SCN1A: variants seen among roughly 807,000 people sequenced by gnomAD.
SCN1A encodes sodium channel protein type 1 subunit alpha.
SCN1A carries 13 observed loss-of-function variants against 193.7 expected under a neutral mutation model. The observed-to-expected ratio is 0.07, with a 90% confidence interval of 0.04 to 0.11. The LOEUF (loss-of-function observed/expected upper bound fraction) is 0.11. SCN1A is among the 10% of genes least tolerant of loss of function. SCN1A has a pLI of 1.00. For synonymous variants in SCN1A, 781 were observed against 843.6 expected, an observed-to-expected ratio of 0.93 and a Z score of 1.29; for missense variants, 1,432 against 2,451.1, an observed-to-expected ratio of 0.58 and a Z score of 8.78.
intron 21 of SCN1A, among the ~76,000 whole-genome samples, chr2:166,012,612 CTTTTTT>C (rs60890420): frequency 1.7e-4 from 13 of 77,208 alleles, no homozygotes; most frequent in Admixed American, 4.7e-4. Flanking sequence ...CTTCTATTGG[CTTTTTT>C]TTTTTTTTTT....
Position 165,991,417 on chromosome 2 carries a change from A to AG in SCN1A, c.5857dup (p.Leu1953ProfsTer10), listed in dbSNP as rs1271362974. 1 of 1,613,694 alleles carries AG rather than the reference A, an allele frequency of 6.2e-7. No individual in the cohort carries two copies. Among genetic ancestry groups the AG allele is most frequent in the East Asian group, 2.2e-5 (1 of 44,850 alleles). ...AATTATCATGTCTTCTTTTATAAGA[A>AG]GATTAGCCCCACCTTTGATTTTGTT... On this transcript the variant is annotated frameshift_variant, in exon 29 of 29. Coordinates refer to ENST00000674923, the MANE Select transcript of SCN1A (RefSeq NM_001165963.4). LOFTEE classifies it high-confidence loss of function.
intron 4 of SCN1A, among the ~76,000 whole-genome samples, chr2:166,058,892 T>G (rs868464543): frequency 6.6e-6 from 1 of 152,076 alleles, no homozygotes; most frequent in Admixed American, 6.6e-5. Context: ...ACCACTTACC[T>G]TTTACCTAAT....
chr2:165,997,134 T>C (rs536032127), intron 26 of SCN1A, among the ~76,000 whole-genome samples: 1 of 151,206 alleles, frequency 6.6e-6, no homozygotes, highest in South Asian at 2.1e-4. Flanking sequence ...CAGGAAATAA[T>C]TAAAGCCTTA....
At chr2:166,109,789 C>T (rs927207515) in intron 2 of SCN1A, among the ~76,000 whole-genome samples, 17 of 152,112 alleles carry the variant, frequency 1.1e-4, no homozygotes, top group Non-Finnish European at 2.1e-4. Context: ...TCCCGTCTCT[C>T]TTCCTCTCCT....
intron 2 of SCN1A, 74 bp downstream of exon 2, chr2:166,126,850 C>A (rs1691303190): frequency 6.6e-6 from 1 of 152,166 alleles, no homozygotes; most frequent in Admixed American, 6.6e-5. Flanking sequence ...TAACAATCAC[C>A]AGTGAGTAAT....
At chr2:166,138,586 C>T (rs948613654) in intron 1 of SCN1A, among the ~76,000 whole-genome samples, 4 of 152,214 alleles carry the variant, frequency 2.6e-5, no homozygotes, top group African/African-American at 7.2e-5. Flanking sequence ...GAACCTCTGC[C>T]TAGATTTCAG....
chr2:166,136,843 G>A (rs1209269659), intron 1 of SCN1A, among the ~76,000 whole-genome samples: 1 of 152,160 alleles, frequency 6.6e-6, no homozygotes, highest in African/African-American at 2.4e-5. Flanking sequence ...TAACTAAAGA[G>A]GAATGCAGCT....
chr2:166,068,025 T>A (rs956401902), intron 4 of SCN1A, among the ~76,000 whole-genome samples: 8 of 152,192 alleles, frequency 5.3e-5, no homozygotes, highest in Non-Finnish European at 1.2e-4. Context: ...TACAAGGCTG[T>A]AGGATGTTAG....
chr2:166,144,409 G>C (rs1479030792), intron 1 of SCN1A, among the ~76,000 whole-genome samples: 2 of 152,124 alleles, frequency 1.3e-5, no homozygotes, highest in Non-Finnish European at 2.9e-5. Context: ...CCCTCTTAAG[G>C]GGGTAATAAT....
At chr2:166,089,202 C>A (rs1043719647) in intron 2 of SCN1A, among the ~76,000 whole-genome samples, 1 of 152,116 alleles carries the variant, frequency 6.6e-6, no homozygotes, top group East Asian at 1.9e-4. Context: ...GTGATATTCC[C>A]TTCCCTGTGT....
At chr2:166,069,926 A>G (rs1684242891) in intron 4 of SCN1A, among the ~76,000 whole-genome samples, 1 of 152,190 alleles carries the variant, frequency 6.6e-6, no homozygotes, top group African/African-American at 2.4e-5. Flanking sequence ...AGTACTGTGT[A>G]TGTGTACCGC....
chr2:166,017,264 G>C (rs548830058), intron 19 of SCN1A, among the ~76,000 whole-genome samples: 126 of 151,942 alleles, frequency 8.3e-4, no homozygotes, highest in South Asian at 4.6e-3. Context: ...GTAGTAAATA[G>C]ATCATAATCT....
At chr2:166,084,294 T>C (rs1685862965) in intron 2 of SCN1A, among the ~76,000 whole-genome samples, 1 of 149,572 alleles carries the variant, frequency 6.7e-6, no homozygotes. Flanking sequence ...CACTCTGGAC[T>C]GTGCCTCTCC....
intron 3 of SCN1A, among the ~76,000 whole-genome samples, chr2:166,076,317 G>A (rs1428022199): frequency 1.3e-5 from 2 of 151,418 alleles, no homozygotes; most frequent in Non-Finnish European, 3.0e-5. Flanking sequence ...GTATTTTGGT[G>A]GTTTAATGTT....
At chr2:166,055,876 C>A (rs1699079048) in intron 6 of SCN1A, among the ~76,000 whole-genome samples, 1 of 151,990 alleles carries the variant, frequency 6.6e-6, no homozygotes, top group Non-Finnish European at 1.5e-5. Context: ...TTAGTTTAGT[C>A]TTCAGTCTAC....
At chr2:166,116,330 C>T (rs1434968494) in intron 2 of SCN1A, among the ~76,000 whole-genome samples, 2 of 152,096 alleles carry the variant, frequency 1.3e-5, no homozygotes, top group African/African-American at 4.8e-5. Context: ...AGTATTAGAA[C>T]ATTTATATTT....
intron 5 of SCN1A, among the ~76,000 whole-genome samples, chr2:166,057,848 T>A (rs1699283786): frequency 6.6e-6 from 1 of 152,054 alleles, no homozygotes; most frequent in Admixed American, 6.6e-5. Context: ...CTAAATTGAT[T>A]AACAAATGAA....
intron 4 of SCN1A, among the ~76,000 whole-genome samples, chr2:166,069,994 T>A (rs1034364912): frequency 6.6e-6 from 1 of 152,138 alleles, no homozygotes; most frequent in African/African-American, 2.4e-5. Context: ...TAAAGTAAAA[T>A]TAGTCATCGA....
At chr2:166,078,752 T>A (rs929820616) in intron 2 of SCN1A, among the ~76,000 whole-genome samples, 2 of 151,658 alleles carry the variant, frequency 1.3e-5, no homozygotes, top group Non-Finnish European at 3.0e-5. Context: ...TGAAAAATAA[T>A]CACAAAATTC....
Sources: gnomAD v4.1 joint callset for allele counts (sites outside exome capture counted in the v4.1 genomes callset) on GRCh38, gnomAD v4.1.1 for gene constraint, MANE v1.5 for transcripts, NCBI Gene and HGNC (gene_info 2026-07-23, HGNC 2026-07-21) for gene names.